The following CCDC7 variants were observed in gnomAD, a reference collection of about 807,000 sequenced individuals.
CCDC7 encodes coiled-coil domain containing 7.
In CCDC7, 183 loss-of-function variants were observed where a neutral mutation model predicts 196.9. The observed-to-expected ratio is 0.93, with a 90% CI of 0.82 to 1.05. CCDC7 has a LOEUF of 1.05. Among genes scored for constraint, CCDC7 ranks in the 50% least tolerant of loss-of-function variants. CCDC7 has a pLI of 0.00. For missense variants in CCDC7, 1,540 were observed against 1,482.2 expected (o/e 1.04, Z -0.64); for synonymous variants, 525 against 484.6 (o/e 1.08, Z -1.10).
chr10:32,862,144 T>C (rs2094014228), intron 41 of CCDC7, among the ~76,000 whole-genome samples: 1 of 152,158 alleles, frequency 6.6e-6, no homozygotes, highest in Non-Finnish European at 1.5e-5. Context: ...CTATTTACAA[T>C]AGCAAAGACT....
chr10:32,784,544 A>C (rs2081526333), intron 29 of CCDC7, among the ~76,000 whole-genome samples: 1 of 152,156 alleles, frequency 6.6e-6, no homozygotes, highest in African/African-American at 2.4e-5. Flanking sequence ...ATGTCCCTAC[A>C]AAGGACATGA....
intron 25 of CCDC7, among the ~76,000 whole-genome samples, chr10:32,721,363 G>A (rs1445101291): frequency 6.6e-6 from 1 of 152,106 alleles, no homozygotes; most frequent in African/African-American, 2.4e-5. Context: ...TCTGCCGTAG[G>A]CTCTAATTGG....
Position 32,584,320 on chromosome 10 carries a change from T to C in CCDC7, c.1801+16T>C. 2 of 1,536,772 alleles carry C rather than the reference T, an allele frequency of 1.3e-6. No homozygotes were observed. Among genetic ancestry groups the C allele is most frequent in the South Asian group, 1.2e-5 (1 of 86,226 alleles). ...AAATCTCAAGGTAAAAAGACTCTGT[T>C]TTGGAAGATGAAAATGTGATTGAAT... On this transcript the variant is annotated intron_variant, in intron 18 of 41. Transcript: ENST00000639629.
chr10:32,469,558 A>G (rs1481702126), intron 5 of CCDC7, among the ~76,000 whole-genome samples: 11 of 152,322 alleles, frequency 7.2e-5, no homozygotes, highest in Non-Finnish European at 1.5e-4. Flanking sequence ...GCCACCTTCC[A>G]GAGAGGTGTT....
chr10:32,583,576 T>C (rs970851582), intron 17 of CCDC7, among the ~76,000 whole-genome samples: 2 of 152,076 alleles, frequency 1.3e-5, no homozygotes, highest in Non-Finnish European at 2.9e-5. Flanking sequence ...ATAAAAGATA[T>C]GTCATTCTGA....
intron 9 of CCDC7, chr10:32,511,457 T>C (rs2046188816): frequency 1.2e-6 from 2 of 1,606,864 alleles, no homozygotes; most frequent in Admixed American, 3.3e-5. Flanking sequence ...CTTGACTCTG[T>C]TCATATATAC....
intron 41 of CCDC7, among the ~76,000 whole-genome samples, chr10:32,858,138 G>A (rs146468215): frequency 4.1e-4 from 63 of 152,224 alleles, no homozygotes; most frequent in African/African-American, 1.5e-3. Context: ...GTAATTAAAA[G>A]CGTTTCAACA....
chr10:32,816,216 C>T (rs1414457781), intron 31 of CCDC7, among the ~76,000 whole-genome samples: 19 of 152,206 alleles, frequency 1.2e-4, no homozygotes, highest in African/African-American at 4.8e-5. Context: ...GAGGGTCCTG[C>T]GCCCATGGAG....
chr10:32,648,443 A>T (rs1314381495), intron 20 of CCDC7, among the ~76,000 whole-genome samples: 1 of 152,142 alleles, frequency 6.6e-6, no homozygotes, highest in South Asian at 2.1e-4. Flanking sequence ...TACTATATTG[A>T]TAGTAAATAG....
chr10:32,638,132 T>A (rs1243089247), intron 20 of CCDC7, among the ~76,000 whole-genome samples: 1 of 152,230 alleles, frequency 6.6e-6, no homozygotes, highest in African/African-American at 2.4e-5. Flanking sequence ...GATTTTGGGC[T>A]GAGACGATGG....
intron 15 of CCDC7, among the ~76,000 whole-genome samples, chr10:32,569,305 T>C (rs960754422): frequency 6.6e-6 from 1 of 152,262 alleles, no homozygotes; most frequent in Non-Finnish European, 1.5e-5. Context: ...TCATTGTCCA[T>C]GTTCTTATAG....
At chr10:32,561,173 T>C (rs904541664) in intron 13 of CCDC7, among the ~76,000 whole-genome samples, 3 of 152,208 alleles carry the variant, frequency 2.0e-5, no homozygotes, top group African/African-American at 7.2e-5. Context: ...AAGCAAGGCC[T>C]GAGTGACCTA....
chr10:32,866,691 T>A (rs1469766660), intron 41 of CCDC7, among the ~76,000 whole-genome samples: 1 of 151,598 alleles, frequency 6.6e-6, no homozygotes, highest in East Asian at 1.9e-4. Context: ...AAGCTATTTC[T>A]TTCAATAGAA....
chr10:32,831,424 C>A (rs1364551839), intron 32 of CCDC7, among the ~76,000 whole-genome samples: 3 of 152,078 alleles, frequency 2.0e-5, no homozygotes, highest in Non-Finnish European at 2.9e-5. Context: ...TTTTAAAAAT[C>A]TTTCCTTAAA....
chr10:32,796,316 A>T (rs1462685782), intron 29 of CCDC7, among the ~76,000 whole-genome samples: 1 of 152,178 alleles, frequency 6.6e-6, no homozygotes, highest in East Asian at 1.9e-4. Context: ...CCAACATTTT[A>T]AAATCAGAAG....
intron 18 of CCDC7, among the ~76,000 whole-genome samples, chr10:32,587,934 G>A (rs1423336753): frequency 6.6e-6 from 1 of 152,212 alleles, no homozygotes; most frequent in Non-Finnish European, 1.5e-5. Context: ...CATTGTAGCA[G>A]TGTTGACAGG....
chr10:32,751,051 T>C (rs2075582334), intron 28 of CCDC7, among the ~76,000 whole-genome samples: 1 of 152,136 alleles, frequency 6.6e-6, no homozygotes, highest in Non-Finnish European at 1.5e-5. Context: ...ATGAAGGCAA[T>C]TAATTATAGC....
At chr10:32,766,919 G>C (rs909353497) in intron 28 of CCDC7, among the ~76,000 whole-genome samples, 3 of 152,068 alleles carry the variant, frequency 2.0e-5, no homozygotes, top group African/African-American at 7.2e-5. Flanking sequence ...TTACTCGCTT[G>C]ATTTCTGGTT....
chr10:32,841,323 A>G (rs892722132), intron 33 of CCDC7, among the ~76,000 whole-genome samples: 3 of 152,062 alleles, frequency 2.0e-5, no homozygotes, highest in African/African-American at 7.2e-5. Context: ...AACTTAATAT[A>G]CACAAATCAG....
Sources: gnomAD v4.1 joint callset for allele counts (sites outside exome capture counted in the v4.1 genomes callset) on GRCh38, gnomAD v4.1.1 for gene constraint, MANE v1.5 for transcripts, NCBI Gene and HGNC (gene_info 2026-07-23, HGNC 2026-07-21) for gene names.